CDH18: variants seen among roughly 807,000 people sequenced by gnomAD.
CDH18 encodes the protein cadherin 18.
CDH18 carries 31 observed loss-of-function variants against 67.9 expected under a neutral mutation model. The observed-to-expected ratio is 0.46, with a 90% CI of 0.34 to 0.62. The LOEUF is 0.62. Ranked by LOEUF, CDH18 falls within the 20% of genes least tolerant of loss-of-function variation. The probability of loss-of-function intolerance (pLI) is 0.01; values close to 1 mark genes in which losing one functional copy is unlikely to be tolerated. For missense variants in CDH18, 890 were observed against 975.5 expected, an observed-to-expected ratio of 0.91 and a Z score of 1.17; for synonymous variants, 362 against 347.2, an observed-to-expected ratio of 1.04 and a Z score of -0.48.
intron 1 of CDH18, among the ~76,000 whole-genome samples, chr5:20,284,362 C>T (rs1746519174): frequency 6.6e-6 from 1 of 151,796 alleles, no homozygotes; most frequent in South Asian, 2.1e-4. Flanking sequence ...TAAATATACG[C>T]ACTTACTATG....
At chr5:19,842,257 C>T (rs1048014027) in intron 2 of CDH18, among the ~76,000 whole-genome samples, 1 of 152,166 alleles carries the variant, frequency 6.6e-6, no homozygotes, top group Non-Finnish European at 1.5e-5. Flanking sequence ...TATGGTCTGG[C>T]TCTGTGTCCC....
intron 11 of CDH18, among the ~76,000 whole-genome samples, chr5:19,484,034 T>C (rs1418184734): frequency 6.6e-6 from 1 of 152,230 alleles, no homozygotes; most frequent in Non-Finnish European, 1.5e-5. Context: ...ATAATATTTC[T>C]ATGGAGACAG....
intron 5 of CDH18, among the ~76,000 whole-genome samples, chr5:19,622,067 A>G (rs905399246): frequency 6.6e-6 from 1 of 152,134 alleles, no homozygotes; most frequent in Non-Finnish European, 1.5e-5. Flanking sequence ...CCTGCTTCAA[A>G]TATTTCTCTA....
intron 3 of CDH18, among the ~76,000 whole-genome samples, chr5:19,811,807 A>T (rs1452621970): frequency 6.6e-6 from 1 of 152,176 alleles, no homozygotes; most frequent in Non-Finnish European, 1.5e-5. Flanking sequence ...GGAAAAATTC[A>T]TCCTAGAATC....
intron 2 of CDH18, among the ~76,000 whole-genome samples, chr5:20,148,933 CTT>C (rs1750880311): frequency 6.6e-6 from 1 of 152,018 alleles, no homozygotes; most frequent in African/African-American, 2.4e-5. Flanking sequence ...GGACATAAGA[CTT>C]TCACTCATAT....
At chr5:20,246,908 G>A (rs1743422408) in intron 2 of CDH18, among the ~76,000 whole-genome samples, 1 of 151,940 alleles carries the variant, frequency 6.6e-6, no homozygotes, top group African/African-American at 2.4e-5. Flanking sequence ...GAGAAATCTT[G>A]CTTTCCTTGA....
chr5:19,849,501 A>G (rs2150066922), intron 2 of CDH18, among the ~76,000 whole-genome samples: 1 of 151,818 alleles, frequency 6.6e-6, no homozygotes, highest in Non-Finnish European at 1.5e-5. Context: ...TATTCATACA[A>G]TACCCAGATG....
intron 1 of CDH18, among the ~76,000 whole-genome samples, chr5:20,534,374 AAAG>A (rs1461775734): frequency 4.6e-5 from 7 of 152,240 alleles, no homozygotes; most frequent in Middle Eastern, 3.4e-3. Context: ...TATTGCACAA[AAAG>A]AAGCATTAAA....
At chr5:19,905,502 T>A (rs551119759) in intron 2 of CDH18, among the ~76,000 whole-genome samples, 33 of 151,890 alleles carry the variant, frequency 2.2e-4, no homozygotes, top group Non-Finnish European at 4.3e-4. Context: ...TTAAAATATA[T>A]ATAATTTATA....
chr5:19,700,208 C>T (rs1243943449), intron 5 of CDH18, among the ~76,000 whole-genome samples: 1 of 152,160 alleles, frequency 6.6e-6, no homozygotes, highest in Non-Finnish European at 1.5e-5. Context: ...CCTAACCAAA[C>T]TTTATTTGTT....
At chr5:19,634,028 T>C (rs78098465) in intron 5 of CDH18, among the ~76,000 whole-genome samples, 1,564 of 152,326 alleles carry the variant, frequency 0.01, 10 homozygotes, top group Non-Finnish European at 0.017. Context: ...TTGGAAACAT[T>C]GGCCATCTAA....
At chr5:20,014,412 A>G (rs1276678582) in intron 2 of CDH18, among the ~76,000 whole-genome samples, 1 of 152,058 alleles carries the variant, frequency 6.6e-6, no homozygotes, top group Non-Finnish European at 1.5e-5. Flanking sequence ...GAGGAATGGG[A>G]AAGTCTTCCT....
chr5:20,008,446 A>C (rs1474409248), intron 2 of CDH18, among the ~76,000 whole-genome samples: 1 of 152,168 alleles, frequency 6.6e-6, no homozygotes, highest in African/African-American at 2.4e-5. Flanking sequence ...CTGGTCTTTA[A>C]TATCTCATCA....
chr5:19,593,484 T>A (rs1016231073), intron 6 of CDH18, among the ~76,000 whole-genome samples: 1 of 152,112 alleles, frequency 6.6e-6, no homozygotes, highest in Non-Finnish European at 1.5e-5. Context: ...AAACAGCTAT[T>A]CAGGTCCTAG....
chr5:19,603,541 A>G (rs189473899), intron 6 of CDH18, among the ~76,000 whole-genome samples: 140 of 152,122 alleles, frequency 9.2e-4, no homozygotes, highest in East Asian at 2.5e-3. Flanking sequence ...TTAACTACAA[A>G]AAATAAAATC....
At chr5:19,780,570 CT>C (rs1028795458) in intron 3 of CDH18, among the ~76,000 whole-genome samples, 2 of 152,074 alleles carry the variant, frequency 1.3e-5, no homozygotes, top group African/African-American at 4.8e-5. Context: ...CTTCTAGACA[CT>C]TTTGTTTCCC....
At chr5:20,557,567 C>T (rs1186484421) in intron 1 of CDH18, among the ~76,000 whole-genome samples, 1 of 151,908 alleles carries the variant, frequency 6.6e-6, no homozygotes, top group African/African-American at 2.4e-5. Flanking sequence ...ATCCCTTATC[C>T]CTCACTGATA....
intron 1 of CDH18, among the ~76,000 whole-genome samples, chr5:20,457,369 T>C (rs758541500): frequency 2.0e-5 from 3 of 152,224 alleles, no homozygotes; most frequent in Non-Finnish European, 4.4e-5. Flanking sequence ...CTAATATTTA[T>C]TGAGTGCTTT....
chr5:20,372,331 C>CT (rs146529647), intron 1 of CDH18, among the ~76,000 whole-genome samples: 3,445 of 152,094 alleles, frequency 0.023, 103 homozygotes, highest in East Asian at 0.076. Flanking sequence ...AAACATTTAT[C>CT]TTTTTTGTCT....
Sources: allele counts gnomAD v4.1 joint callset (sites outside exome capture counted in the v4.1 genomes callset), GRCh38; gene constraint gnomAD v4.1.1; transcripts MANE v1.5; gene names NCBI Gene and HGNC (gene_info 2026-07-23, HGNC 2026-07-21).